AFG2A: variants seen among roughly 807,000 people sequenced by gnomAD.
AFG2A encodes the protein AAA ATPase AFG2A.
the AFG2A span, among the ~76,000 whole-genome samples, chr4:123,043,339 C>T: frequency 1.3e-3 from 191 of 152,050 alleles, 4 homozygotes; most frequent in East Asian, 0.033. Context: ...GATGTAGTTT[C>T]CTTACTTGGA....
At chr4:123,172,095 A>G in the AFG2A span, among the ~76,000 whole-genome samples, 1 of 152,164 alleles carries the variant, frequency 6.6e-6, no homozygotes, top group Non-Finnish European at 1.5e-5. Flanking sequence ...TGATGCTGCA[A>G]CCAGTGACTT....
At chr4:123,070,203 G>T in the AFG2A span, among the ~76,000 whole-genome samples, 2 of 151,902 alleles carry the variant, frequency 1.3e-5, no homozygotes, top group Admixed American at 6.6e-5. Flanking sequence ...GATTTAAAAG[G>T]TATCTTCATT....
At chr4:123,002,376 G>A in the AFG2A span, among the ~76,000 whole-genome samples, 36 of 152,284 alleles carry the variant, frequency 2.4e-4, no homozygotes, top group Non-Finnish European at 3.1e-4. Flanking sequence ...TTGCTCATTA[G>A]TTGATGCAGT....
At chr4:123,047,422 T>A in the AFG2A span, among the ~76,000 whole-genome samples, 1 of 152,194 alleles carries the variant, frequency 6.6e-6, no homozygotes, top group African/African-American at 2.4e-5. Context: ...TATTTATATT[T>A]GCTACTGAGT....
the AFG2A span, among the ~76,000 whole-genome samples, chr4:123,245,414 G>T: frequency 2.6e-5 from 4 of 152,226 alleles, no homozygotes; most frequent in African/African-American, 9.6e-5. Flanking sequence ...ATGTTAGTTT[G>T]CATTGTTTTC....
chr4:123,200,067 A>C, the AFG2A span, among the ~76,000 whole-genome samples: 3 of 152,128 alleles, frequency 2.0e-5, no homozygotes, highest in Non-Finnish European at 2.9e-5. Context: ...GTGCCCTTAC[A>C]TATTTTTTGT....
At chr4:122,940,781 C>A in the AFG2A span, among the ~76,000 whole-genome samples, 1 of 151,418 alleles carries the variant, frequency 6.6e-6, no homozygotes, top group South Asian at 2.1e-4. Flanking sequence ...ACGTTTAAGT[C>A]TTTAATCCAT....
chr4:123,160,018 T>TTTGTTG, the AFG2A span, among the ~76,000 whole-genome samples: 10 of 151,672 alleles, frequency 6.6e-5, no homozygotes, highest in Admixed American at 1.3e-4. Context: ...ATCTTGTCTT[T>TTTGTTG]TTGTTGTTGT....
the AFG2A span, among the ~76,000 whole-genome samples, chr4:123,054,106 C>T: frequency 1.6e-4 from 25 of 152,266 alleles, no homozygotes; most frequent in East Asian, 4.4e-3. Context: ...TTCTCTGAAC[C>T]CTTTGGCAGA....
At chr4:123,042,894 C>G in the AFG2A span, among the ~76,000 whole-genome samples, 2 of 152,110 alleles carry the variant, frequency 1.3e-5, no homozygotes, top group African/African-American at 4.8e-5. Flanking sequence ...AGAGTTAAAA[C>G]TTTTAGTCAG....
the AFG2A span, among the ~76,000 whole-genome samples, chr4:122,990,921 G>A: frequency 6.6e-6 from 1 of 152,112 alleles, no homozygotes; most frequent in Middle Eastern, 3.2e-3. Flanking sequence ...TATATTCCTC[G>A]AACAATGTGT....
the AFG2A span, among the ~76,000 whole-genome samples, chr4:123,002,730 C>G: frequency 3.3e-5 from 5 of 152,064 alleles, no homozygotes; most frequent in African/African-American, 4.8e-5. Context: ...CTCTGGCTGC[C>G]CTTAACATTT....
At chr4:123,192,687 C>T in the AFG2A span, among the ~76,000 whole-genome samples, 3 of 152,168 alleles carry the variant, frequency 2.0e-5, no homozygotes, top group Non-Finnish European at 4.4e-5. Flanking sequence ...CTCCTCTTAG[C>T]GGGCTTTGAG....
chr4:123,039,522 T>C, the AFG2A span, among the ~76,000 whole-genome samples: 2 of 152,078 alleles, frequency 1.3e-5, 1 homozygote, highest in African/African-American at 4.8e-5. Flanking sequence ...GTGTTCACTT[T>C]CTTAATTCCT....
At chr4:123,091,782 A>G in the AFG2A span, among the ~76,000 whole-genome samples, 1 of 152,210 alleles carries the variant, frequency 6.6e-6, no homozygotes, top group Non-Finnish European at 1.5e-5. Flanking sequence ...CCTCATCTAT[A>G]TCTAATATGT....
chr4:122,971,341 A>G, the AFG2A span, among the ~76,000 whole-genome samples: 2 of 152,162 alleles, frequency 1.3e-5, no homozygotes, highest in African/African-American at 4.8e-5. Context: ...TGGGAGGTTG[A>G]GGCTATAATG....
At chr4:122,949,536 G>A in the AFG2A span, among the ~76,000 whole-genome samples, 1 of 152,174 alleles carries the variant, frequency 6.6e-6, no homozygotes, top group Non-Finnish European at 1.5e-5. Flanking sequence ...TCTGGAGAGA[G>A]ATAACCATCT....
the AFG2A span, among the ~76,000 whole-genome samples, chr4:122,967,011 A>T: frequency 7.9e-4 from 120 of 152,350 alleles, no homozygotes; most frequent in African/African-American, 2.7e-3. Flanking sequence ...TTATGATATA[A>T]TAATACTTTA....
the AFG2A span, among the ~76,000 whole-genome samples, chr4:122,931,242 G>A: frequency 6.6e-6 from 1 of 152,028 alleles, no homozygotes; most frequent in Non-Finnish European, 1.5e-5. Context: ...GTAAATGTAA[G>A]CATTTAAGGA....
Sources: gnomAD v4.1 joint callset for allele counts (sites outside exome capture counted in the v4.1 genomes callset) on GRCh38, gnomAD v4.1.1 for gene constraint, MANE v1.5 for transcripts, NCBI Gene and HGNC (gene_info 2026-07-23, HGNC 2026-07-21) for gene names.